SAAL1: variants seen among roughly 807,000 people sequenced by gnomAD.
SAAL1 encodes the protein serum amyloid A like 1.
In SAAL1, 42 loss-of-function variants were observed where a neutral mutation model predicts 59.8. The ratio of observed to expected loss-of-function variants is 0.70; its 90% CI spans 0.55 to 0.91. The LOEUF (loss-of-function observed/expected upper bound fraction) is 0.91. Among genes scored for constraint, SAAL1 ranks in the 40% least tolerant of loss-of-function variants. The probability of loss-of-function intolerance (pLI) is 0.00; values close to 1 mark genes in which losing one functional copy is unlikely to be tolerated. For synonymous variants in SAAL1, 191 were observed against 194.3 expected, an observed-to-expected ratio of 0.98 and a Z score of 0.14; for missense variants, 542 against 561.1, an observed-to-expected ratio of 0.97 and a Z score of 0.34.
Position 18,087,244 on chromosome 11 carries a change from A to G in SAAL1, c.771-19T>C, listed in dbSNP as rs939241787. ...TTCAGAACTAAATAGGAAAAGTAAA[A>G]GCACTGAATCAACAACTTTACTGTC... On this transcript the variant is annotated intron_variant, in intron 7 of 11. Coordinates refer to ENST00000524803, the MANE Select transcript of SAAL1 (RefSeq NM_138421.3). 5.2e-6 allele frequency: 8 copies of G among 1,528,256 alleles called. No homozygotes were observed. The highest frequency in any genetic ancestry group is 7.3e-6 in the Non-Finnish European group (8 of 1,102,844). 94.7% of individuals were successfully genotyped at this position (1,528,256 alleles called of 1,614,324 possible).
intron 9 of SAAL1, among the ~76,000 whole-genome samples, chr11:18,085,083 T>C (rs906877588): frequency 6.6e-6 from 1 of 152,182 alleles, no homozygotes; most frequent in Non-Finnish European, 1.5e-5. Flanking sequence ...ATATATCTTA[T>C]ACCCAATAAT....
chr11:18,083,784 A>C, intron 9 of SAAL1, 53 bp from the exon 10 acceptor site: 1 of 1,183,498 alleles, frequency 8.4e-7, no homozygotes, highest in South Asian at 1.6e-5. Context: ...TTGGTTTTTC[A>C]TTCATATGTA....
intron 9 of SAAL1, among the ~76,000 whole-genome samples, chr11:18,085,736 T>C (rs951716112): frequency 1.3e-5 from 2 of 152,202 alleles, no homozygotes; most frequent in Non-Finnish European, 2.9e-5. Flanking sequence ...GCAATGGAAC[T>C]GAACAGAATA....
chr11:18,100,621 G>A lies in SAAL1; in HGVS notation c.249+2612C>T, dbSNP rs547266776. Among the ~76,000 whole-genome samples, 3 of 152,256 alleles carry A rather than the reference G, an allele frequency of 2.0e-5. No homozygotes were observed. In the South Asian group the frequency reaches 6.2e-4, roughly 32 times the overall value. ...AAAAAATTGTAAACACAGCATATCA[G>A]AAATTGTGGAATACTGGTAAAGCAT... On this transcript the variant is annotated intron_variant, in intron 2 of 11. Transcript: ENST00000524803.
chr11:18,099,786 C>T (rs1284399073), intron 2 of SAAL1, among the ~76,000 whole-genome samples: 1 of 152,166 alleles, frequency 6.6e-6, no homozygotes, highest in Non-Finnish European at 1.5e-5. Context: ...CTAAGCAGAG[C>T]GGCATGAATA....
intron 9 of SAAL1, 123 bp from the exon 10 acceptor site, chr11:18,083,854 A>G (rs1485445393): frequency 2.0e-6 from 1 of 512,284 alleles, no homozygotes; most frequent in Non-Finnish European, 3.4e-6. Context: ...AACATCAGCA[A>G]GATGTCAGCC....
At chr11:18,101,999 T>C (rs1216208116) in intron 2 of SAAL1, among the ~76,000 whole-genome samples, 1 of 152,114 alleles carries the variant, frequency 6.6e-6, no homozygotes, top group East Asian at 1.9e-4. Context: ...GATGGAGGAA[T>C]GGAGAGGCAA....
At chr11:18,089,758 C>A (rs1308956682) in intron 6 of SAAL1, among the ~76,000 whole-genome samples, 3 of 152,046 alleles carry the variant, frequency 2.0e-5, no homozygotes, top group Admixed American at 2.0e-4. Context: ...CTCAAAAAAA[C>A]AAACAAAAAG....
At position 18,080,426 on chromosome 11, in the gene SAAL1, G is replaced by T. The variant is rs147473039; in HGVS notation, c.1398C>A (p.Asn466Lys). ...DKALADDLEK[N>K]FPSLKVQT ...AAGTCTGAACCTTCAAACTTGGGAA[G>T]TTTTTTTCCAAGTCATCAGCAAGCG... The change falls in exon 12 of 12, where the codon AAC (asparagine) becomes AAA (lysine). Residue 466 changes from asparagine (N) to lysine (K), a missense_variant. Asn to Lys is a moderately conservative substitution (Grantham distance 94). Coordinates refer to ENST00000524803, the MANE Select transcript of SAAL1 (RefSeq NM_138421.3). 94 of 1,597,422 alleles carry T rather than the reference G, an allele frequency of 5.9e-5. No homozygotes were observed. The African/African-American group carries it at 9.9e-4, about 17-fold the overall frequency.
chr11:18,088,413 A>G (rs1199698989), intron 7 of SAAL1, among the ~76,000 whole-genome samples: 7 of 152,164 alleles, frequency 4.6e-5, no homozygotes, highest in Non-Finnish European at 1.0e-4. Flanking sequence ...ATCCTAAGGA[A>G]GGCAACTGAA....
At position 18,087,808 on chromosome 11, in the gene SAAL1, GTTTA is replaced by G. The variant is rs549054653; in HGVS notation, c.771-587_771-584del. ...CAATTAAAACAATGGTTTGGCAAAT[GTTTA>G]TTTAAGTACTTACAAATTTCAGGCA... On this transcript the variant is annotated intron_variant, in intron 7 of 11. Transcript: ENST00000524803. 2.0e-5 allele frequency among the ~76,000 whole-genome samples: 3 copies of G among 152,314 alleles called. No individual in the cohort carries two copies. In the South Asian group the frequency reaches 6.2e-4, roughly 32 times the overall value.
intron 3 of SAAL1, among the ~76,000 whole-genome samples, chr11:18,093,200 A>G (rs954056597): frequency 2.0e-5 from 3 of 152,196 alleles, no homozygotes; most frequent in Non-Finnish European, 4.4e-5. Flanking sequence ...ATTTTACTTA[A>G]TAATGACCCC....
chr11:18,086,208 G>C (rs1457621312), intron 9 of SAAL1, among the ~76,000 whole-genome samples: 5 of 151,944 alleles, frequency 3.3e-5, no homozygotes, highest in Non-Finnish European at 7.4e-5. Flanking sequence ...TTTGTGACAA[G>C]CCTGGGCAAG....
intron 9 of SAAL1, among the ~76,000 whole-genome samples, chr11:18,084,863 T>C (rs1848446757): frequency 6.6e-6 from 1 of 152,174 alleles, no homozygotes; most frequent in Non-Finnish European, 1.5e-5. Context: ...CCTCCCAGGT[T>C]CGAGCAACTC....
At chr11:18,102,247 T>A (rs756765790) in intron 2 of SAAL1, among the ~76,000 whole-genome samples, 8 of 151,854 alleles carry the variant, frequency 5.3e-5, no homozygotes, top group Non-Finnish European at 7.4e-5. Context: ...ACTAAAAATA[T>A]AAAAATTCGC....
chr11:18,095,822 C>T (rs1326237076), intron 3 of SAAL1, among the ~76,000 whole-genome samples: 6 of 152,156 alleles, frequency 3.9e-5, no homozygotes, highest in Non-Finnish European at 5.9e-5. Flanking sequence ...GCAATGACTA[C>T]TGAAAGCTTA....
At chr11:18,085,579 ATT>A (rs1221236543) in intron 9 of SAAL1, among the ~76,000 whole-genome samples, 3 of 152,316 alleles carry the variant, frequency 2.0e-5, no homozygotes, top group Non-Finnish European at 4.4e-5. Context: ...AATGTCAGAA[ATT>A]TTTTGTTTTT....
intron 2 of SAAL1, among the ~76,000 whole-genome samples, chr11:18,099,874 C>T (rs1358439381): frequency 2.0e-5 from 3 of 152,168 alleles, no homozygotes; most frequent in Non-Finnish European, 4.4e-5. Flanking sequence ...GGTTACAGAA[C>T]GATAGGCGAC....
chr11:18,090,585 A>C, intron 4 of SAAL1, 92 bp from the exon 5 acceptor site: 1 of 1,364,394 alleles, frequency 7.3e-7, no homozygotes, highest in Non-Finnish European at 1.0e-6. Flanking sequence ...CTTTATTGTG[A>C]AATACAGCAT....
Sources: gnomAD v4.1 joint callset for allele counts (sites outside exome capture counted in the v4.1 genomes callset) on GRCh38, gnomAD v4.1.1 for gene constraint, MANE v1.5 for transcripts, NCBI Gene and HGNC (gene_info 2026-07-23, HGNC 2026-07-21) for gene names.